The following THADA variants were observed in gnomAD, a reference collection of about 807,000 sequenced individuals.
The protein encoded by THADA is tRNA (32-2'-O)-methyltransferase regulator THADA.
Under a neutral mutation model 219.8 loss-of-function variants are expected in THADA, and 213 were observed. The observed-to-expected ratio is 0.97, with a 90% CI of 0.87 to 1.09. The LOEUF (loss-of-function observed/expected upper bound fraction) is 1.09, where lower values mean the gene tolerates loss of function less well. Ranked by LOEUF, THADA falls within the 50% of genes least tolerant of loss-of-function variation. THADA has a pLI of 0.00. For missense variants in THADA, 2,956 were observed against 2,311.3 expected, an observed-to-expected ratio of 1.28 and a Z score of -5.72; for synonymous variants, 1,018 against 828.9, an observed-to-expected ratio of 1.23 and a Z score of -3.92.
chr2:43,491,034 A>C (rs1422359553), intron 25 of THADA, among the ~76,000 whole-genome samples: 1 of 152,192 alleles, frequency 6.6e-6, no homozygotes, highest in Non-Finnish European at 1.5e-5. Flanking sequence ...TTAAGACAGA[A>C]GAGTGTCCCC....
In THADA at chr2:43,541,202, T is replaced by A. The variant is rs202099412; in HGVS notation, c.3221A>T (p.Gln1074Leu). The A allele has an allele frequency of 8.7e-5, 140 of 1,607,704 alleles. No homozygotes were observed. The highest frequency in any genetic ancestry group is 1.1e-4 in the Non-Finnish European group (133 of 1,177,814). Reference protein sequence around the residue: ...LGMLCQLLPMQPVPESSDGLL... With the variant: ...LGMLCQLLPMLPVPESSDGLL... ...TCCATCAGAAGATTCTGGCACAGGCTGCATGGGCAGAAGCTGGCACAACAT... is the reference window on the plus strand; with the variant it reads ...TCCATCAGAAGATTCTGGCACAGGCAGCATGGGCAGAAGCTGGCACAACAT... Residue 1074 changes from glutamine to leucine, a missense_variant, in exon 21 of 38, where the codon CAG becomes CTG. Coordinates refer to ENST00000405975, the MANE Select transcript of THADA (RefSeq NM_022065.5).
At chr2:43,432,006 G>A (rs1679404057) in intron 26 of THADA, among the ~76,000 whole-genome samples, 1 of 128,814 alleles carries the variant, frequency 7.8e-6, no homozygotes, top group Non-Finnish European at 1.6e-5. Context: ...ACAGGCGCCC[G>A]CCACTACGCC....
chr2:43,465,009 T>C (rs2104941489), intron 26 of THADA, among the ~76,000 whole-genome samples: 1 of 152,240 alleles, frequency 6.6e-6, no homozygotes, highest in African/African-American at 2.4e-5. Context: ...GCTGGTATAT[T>C]TGGATGAAAA....
In THADA at chr2:43,386,282, T is replaced by A. The variant is rs555031391; in HGVS notation, c.4227+11689A>T. ...GAAAAGGCACAAAATATGCATGCTA[T>A]TGACAGTAACAAGAGAAATTCAAGT... On this transcript the variant is annotated intron_variant, in intron 29 of 37. Transcript: ENST00000405975. Among the ~76,000 whole-genome samples, 540 of 152,306 alleles carry A rather than the reference T, an allele frequency of 3.5e-3. 2 individuals carry two copies. Among genetic ancestry groups the A allele is most frequent in the Non-Finnish European group, 5.5e-3 (372 of 68,008 alleles).
At chr2:43,524,566 C>T (rs1400315345) in intron 22 of THADA, among the ~76,000 whole-genome samples, 1 of 152,078 alleles carries the variant, frequency 6.6e-6, no homozygotes, top group Non-Finnish European at 1.5e-5. Flanking sequence ...AACTTAAGGG[C>T]TTATAAAACG....
At chr2:43,342,663 A>C (rs1007889457) in intron 30 of THADA, among the ~76,000 whole-genome samples, 37 of 152,212 alleles carry the variant, frequency 2.4e-4, no homozygotes, top group African/African-American at 8.4e-4. Context: ...TTCTGGCGTA[A>C]TGCTGTACCT....
chr2:43,340,958 T>C (rs936019894), intron 30 of THADA, among the ~76,000 whole-genome samples: 46 of 152,196 alleles, frequency 3.0e-4, no homozygotes, highest in African/African-American at 1.1e-3. Context: ...GCTTCATCAC[T>C]TATACCCAGT....
intron 26 of THADA, among the ~76,000 whole-genome samples, chr2:43,432,219 T>C (rs900946704): frequency 6.6e-6 from 1 of 152,036 alleles, no homozygotes; most frequent in Non-Finnish European, 1.5e-5. Context: ...CTCGATCTCC[T>C]GACCTTGTGA....
chr2:43,392,658 C>T (rs1397741038), intron 29 of THADA, among the ~76,000 whole-genome samples: 1 of 152,130 alleles, frequency 6.6e-6, no homozygotes. Context: ...TCTGGCTCTA[C>T]AGTAAACACA....
At chr2:43,253,364 A>C (rs1670002874) in intron 36 of THADA, among the ~76,000 whole-genome samples, 1 of 152,160 alleles carries the variant, frequency 6.6e-6, no homozygotes, top group South Asian at 2.1e-4. Flanking sequence ...GATGTAGCAG[A>C]GTGGTCAACA....
intron 28 of THADA, among the ~76,000 whole-genome samples, chr2:43,402,092 T>G (rs1481798875): frequency 2.6e-5 from 4 of 152,160 alleles, no homozygotes; most frequent in Non-Finnish European, 4.4e-5. Context: ...AAAACCCTTG[T>G]GGGGGGAGTT....
intron 36 of THADA, among the ~76,000 whole-genome samples, chr2:43,241,503 A>C (rs752423619): frequency 1.3e-5 from 2 of 148,944 alleles, no homozygotes; most frequent in African/African-American, 2.5e-5. Context: ...AAACTGTACT[A>C]AACAGTCCCT....
chr2:43,414,740 C>T (rs992105303), intron 28 of THADA, among the ~76,000 whole-genome samples: 5 of 152,086 alleles, frequency 3.3e-5, no homozygotes, highest in African/African-American at 1.2e-4. Flanking sequence ...GACTTGACTC[C>T]CCTCACTGCT....
At chr2:43,292,797 G>A (rs750184036) in intron 32 of THADA, 37 bp downstream of exon 32, 2 of 1,582,168 alleles carry the variant, frequency 1.3e-6, no homozygotes, top group Non-Finnish European at 1.7e-6. Context: ...AGAATGTGGG[G>A]AGTGTAAAGG....
intron 29 of THADA, among the ~76,000 whole-genome samples, chr2:43,360,978 A>T (rs1217194836): frequency 1.3e-5 from 2 of 152,184 alleles, no homozygotes; most frequent in African/African-American, 4.8e-5. Context: ...TATCTACAAC[A>T]TTTTTAGTTG....
intron 31 of THADA, among the ~76,000 whole-genome samples, chr2:43,309,388 T>A (rs548383520): frequency 1.3e-5 from 2 of 152,350 alleles, no homozygotes; most frequent in African/African-American, 4.8e-5. Context: ...TCTATGTGAA[T>A]GTTCAGAGCA....
At chr2:43,367,985 G>A (rs1670358584) in intron 29 of THADA, among the ~76,000 whole-genome samples, 1 of 152,098 alleles carries the variant, frequency 6.6e-6, no homozygotes, top group Non-Finnish European at 1.5e-5. Flanking sequence ...AGGCGTGGTG[G>A]CAAGCACCTG....
At chr2:43,308,124 G>A (rs1170058565) in intron 31 of THADA, among the ~76,000 whole-genome samples, 1 of 152,158 alleles carries the variant, frequency 6.6e-6, no homozygotes, top group East Asian at 1.9e-4. Context: ...GGGAGGCCAA[G>A]GGAGGAGGAT....
intron 36 of THADA, among the ~76,000 whole-genome samples, chr2:43,253,005 T>C (rs1035446346): frequency 6.6e-6 from 1 of 152,218 alleles, no homozygotes; most frequent in South Asian, 2.1e-4. Flanking sequence ...TCTTGACTTC[T>C]TGACTTGACA....
Sources: gnomAD v4.1 joint callset for allele counts (sites outside exome capture counted in the v4.1 genomes callset) on GRCh38, gnomAD v4.1.1 for gene constraint, MANE v1.5 for transcripts, NCBI Gene and HGNC (gene_info 2026-07-23, HGNC 2026-07-21) for gene names.